The following NALF1 variants were observed in gnomAD, a reference collection of about 807,000 sequenced individuals.
The protein encoded by NALF1 is NALCN channel auxiliary factor 1.
In NALF1, 3 loss-of-function variants were observed where a neutral mutation model predicts 48.4. The observed-to-expected ratio is 0.06, with a 90% CI of 0.03 to 0.16. The LOEUF is 0.16. Among genes scored for constraint, NALF1 ranks in the 10% least tolerant of loss-of-function variants. The pLI is 1.00. For missense variants in NALF1, 526 were observed against 571.5 expected (o/e 0.92, Z 0.81); for synonymous variants, 262 against 245.7 (o/e 1.07, Z -0.62).
chr13:107,325,869 TATATATATATATATATATAC>T (rs1566485795), intron 1 of NALF1, among the ~76,000 whole-genome samples: 15 of 92,564 alleles, frequency 1.6e-4, no homozygotes, highest in African/African-American at 4.0e-4. Context: ...TATATATATA[TATATATATATATATATATAC>T]ACACACACAC....
At chr13:107,743,538 G>T (rs143040686) in intron 1 of NALF1, among the ~76,000 whole-genome samples, 76 of 152,330 alleles carry the variant, frequency 5.0e-4, no homozygotes, top group African/African-American at 1.8e-3. Flanking sequence ...ATCCGTTAGA[G>T]ATGATATTTA....
chr13:107,199,349 T>A lies in NALF1; in HGVS notation c.1087+11235A>T, dbSNP rs186778961. On this transcript the variant is annotated intron_variant, in intron 2 of 2. Transcript: ENST00000375915. The stretch of plus-strand genomic sequence containing the variant: ...CTAGTCTTCAGAAGGGCGAGAAAAT[T>A]CATTTTTGTTGCTGAAGCCCTGTAG... 1.3e-3 allele frequency among the ~76,000 whole-genome samples: 201 copies of A among 152,284 alleles called. 1 individual carries two copies. The highest frequency in any genetic ancestry group is 4.5e-3 in the African/African-American group (187 of 41,564).
chr13:107,606,760 G>A (rs1879083762), intron 1 of NALF1, among the ~76,000 whole-genome samples: 1 of 152,120 alleles, frequency 6.6e-6, no homozygotes, highest in African/African-American at 2.4e-5. Context: ...TGGCTTTCAA[G>A]CTGAATAGTG....
intron 1 of NALF1, among the ~76,000 whole-genome samples, chr13:107,372,059 C>T (rs1435218320): frequency 6.6e-6 from 1 of 152,106 alleles, no homozygotes. Context: ...TGAACTCCTG[C>T]CTTGGAGCGC....
At chr13:107,782,288 C>T (rs182056407) in intron 1 of NALF1, among the ~76,000 whole-genome samples, 3 of 152,346 alleles carry the variant, frequency 2.0e-5, no homozygotes, top group African/African-American at 4.8e-5. Context: ...CTCCTTACCG[C>T]GAGTGATCCG....
intron 1 of NALF1, among the ~76,000 whole-genome samples, chr13:107,271,661 G>C (rs1264938694): frequency 6.6e-6 from 1 of 151,448 alleles, no homozygotes; most frequent in Non-Finnish European, 1.5e-5. Context: ...AGTTGAAAAT[G>C]AATATATAGT....
At chr13:107,834,041 G>A (rs1879818978) in intron 1 of NALF1, among the ~76,000 whole-genome samples, 1 of 151,892 alleles carries the variant, frequency 6.6e-6, no homozygotes, top group African/African-American at 2.4e-5. Flanking sequence ...AATAATGATA[G>A]TAATCATAAT....
intron 1 of NALF1, among the ~76,000 whole-genome samples, chr13:107,283,510 T>A (rs1881429352): frequency 6.6e-6 from 1 of 152,112 alleles, no homozygotes; most frequent in Non-Finnish European, 1.5e-5. Context: ...TTCAGGTTGC[T>A]CTTGCCTCAC....
At chr13:107,615,594 A>G (rs948694203) in intron 1 of NALF1, among the ~76,000 whole-genome samples, 2 of 152,094 alleles carry the variant, frequency 1.3e-5, no homozygotes, top group Non-Finnish European at 2.9e-5. Context: ...TGTGGATCCC[A>G]TAGGCCAGCC....
At chr13:107,608,143 T>C (rs1002344149) in intron 1 of NALF1, among the ~76,000 whole-genome samples, 3 of 152,198 alleles carry the variant, frequency 2.0e-5, no homozygotes, top group African/African-American at 7.2e-5. Flanking sequence ...CAGAATGTGT[T>C]GGAAGTAACG....
chr13:107,404,906 TA>T (rs1451651068), intron 1 of NALF1, among the ~76,000 whole-genome samples: 1 of 152,114 alleles, frequency 6.6e-6, no homozygotes, highest in African/African-American at 2.4e-5. Context: ...AGTCACTCAA[TA>T]AAGTTTCATC....
chr13:107,424,962 T>C (rs1303199529), intron 1 of NALF1, among the ~76,000 whole-genome samples: 1 of 152,200 alleles, frequency 6.6e-6, no homozygotes, highest in African/African-American at 2.4e-5. Flanking sequence ...TATCATCCTT[T>C]CACTTGTCAG....
At chr13:107,493,787 G>A (rs945647701) in intron 1 of NALF1, among the ~76,000 whole-genome samples, 1 of 152,144 alleles carries the variant, frequency 6.6e-6, no homozygotes, top group Non-Finnish European at 1.5e-5. Flanking sequence ...TACTCAGGAG[G>A]CCGAGGTGAG....
At chr13:107,792,562 G>C (rs1878281193) in intron 1 of NALF1, among the ~76,000 whole-genome samples, 1 of 152,118 alleles carries the variant, frequency 6.6e-6, no homozygotes, top group Non-Finnish European at 1.5e-5. Flanking sequence ...CATTGTAAGT[G>C]CAGTGTCCAC....
chr13:107,775,560 G>C (rs185916037), intron 1 of NALF1, among the ~76,000 whole-genome samples: 5,944 of 151,170 alleles, frequency 0.039, 144 homozygotes, highest in African/African-American at 0.067. Flanking sequence ...TAGTCCTTTG[G>C]GTATATACCC....
chr13:107,352,330 G>T (rs1882892741), intron 1 of NALF1, among the ~76,000 whole-genome samples: 1 of 152,128 alleles, frequency 6.6e-6, no homozygotes, highest in Non-Finnish European at 1.5e-5. Flanking sequence ...GGGTCCCCTT[G>T]GCCAGGAGGG....
chr13:107,481,706 A>C lies in NALF1; in HGVS notation c.916-270951T>G, dbSNP rs150803538. ...AAGGGGGAGGAGTGTGTGAAGTGTT[A>C]TGAGGGCTTCAAGGGTGAAGTGGGT... On this transcript the variant is annotated intron_variant, in intron 1 of 2. Coordinates refer to ENST00000375915, the MANE Select transcript of NALF1 (RefSeq NM_001080396.3). 6.3e-3 allele frequency among the ~76,000 whole-genome samples: 956 copies of C among 152,210 alleles called. 9 individuals carry two copies. Among genetic ancestry groups the C allele is most frequent in the African/African-American group, 0.021 (885 of 41,538 alleles).
chr13:107,783,423 G>A (rs183485288), intron 1 of NALF1, among the ~76,000 whole-genome samples: 7,163 of 152,170 alleles, frequency 0.047, 279 homozygotes, highest in Non-Finnish European at 0.061. Context: ...AATAGAAAGC[G>A]GGGAAAGGCA....
intron 1 of NALF1, among the ~76,000 whole-genome samples, chr13:107,609,366 A>C (rs923802639): frequency 6.6e-6 from 1 of 152,066 alleles, no homozygotes; most frequent in Non-Finnish European, 1.5e-5. Flanking sequence ...ACTTGCACCA[A>C]CCAGTCCCGG....
Sources: gnomAD v4.1 joint callset for allele counts (sites outside exome capture counted in the v4.1 genomes callset) on GRCh38, gnomAD v4.1.1 for gene constraint, MANE v1.5 for transcripts, NCBI Gene and HGNC (gene_info 2026-07-23, HGNC 2026-07-21) for gene names.